Variants in UBE2E2 observed in about 807,000 individuals in gnomAD.
The protein encoded by UBE2E2 is ubiquitin conjugating enzyme E2 E2.
In UBE2E2, 6 loss-of-function variants were observed where a neutral mutation model predicts 24.7. The observed-to-expected ratio is 0.24, with a 90% CI of 0.13 to 0.48. The LOEUF (loss-of-function observed/expected upper bound fraction) is 0.48. Among genes scored for constraint, UBE2E2 ranks in the 20% least tolerant of loss-of-function variants. The probability of loss-of-function intolerance (pLI) is 0.99; values close to 1 mark genes in which losing one functional copy is unlikely to be tolerated. For missense variants in UBE2E2, 169 were observed against 245.0 expected (o/e 0.69, Z 2.07); for synonymous variants, 104 against 83.6 (o/e 1.24, Z -1.33).
Position 23,427,845 on chromosome 3 carries a change from C to T in UBE2E2, c.228-71763C>T, listed in dbSNP as rs891192585. 5.9e-5 allele frequency among the ~76,000 whole-genome samples: 9 copies of T among 152,094 alleles called. No homozygotes were observed. In the East Asian group the frequency reaches 7.7e-4, roughly 13 times the overall value. On this transcript the variant is annotated intron_variant, in intron 3 of 5. Transcript: ENST00000396703. ...AAGAGGGGCATTACATAATGGTAAA[C>T]GGGTCAATACTTCAAGAAGACGTAG...
intron 3 of UBE2E2, among the ~76,000 whole-genome samples, chr3:23,449,029 T>G (rs1486243812): frequency 1.3e-5 from 2 of 152,218 alleles, no homozygotes; most frequent in African/African-American, 4.8e-5. Context: ...TGAATTGCCC[T>G]CTTACCTAAC....
intron 5 of UBE2E2, among the ~76,000 whole-genome samples, chr3:23,588,369 T>C (rs981280184): frequency 7.2e-6 from 1 of 139,510 alleles, no homozygotes; most frequent in Non-Finnish European, 1.5e-5. Context: ...CCTAAGTTAC[T>C]TTTTTTTTAA....
intron 3 of UBE2E2, among the ~76,000 whole-genome samples, chr3:23,451,927 T>A (rs560421191): frequency 6.6e-6 from 1 of 152,348 alleles, no homozygotes; most frequent in East Asian, 1.9e-4. Context: ...TTATCATTTT[T>A]ATTGAATTAT....
intron 3 of UBE2E2, among the ~76,000 whole-genome samples, chr3:23,236,912 C>T (rs979228008): frequency 6.6e-6 from 1 of 152,192 alleles, no homozygotes; most frequent in Non-Finnish European, 1.5e-5. Flanking sequence ...CTTTGTCTCT[C>T]TCTTTCATTT....
At chr3:23,563,971 A>AAAAGACAG (rs146646062) in intron 5 of UBE2E2, among the ~76,000 whole-genome samples, 6 of 149,618 alleles carry the variant, frequency 4.0e-5, no homozygotes, top group Non-Finnish European at 8.9e-5. Context: ...TTCCAAAAAC[A>AAAAGACAG]AAAGAAAGAA....
At chr3:23,441,301 G>C (rs1244936749) in intron 3 of UBE2E2, among the ~76,000 whole-genome samples, 1 of 146,560 alleles carries the variant, frequency 6.8e-6, no homozygotes, top group Non-Finnish European at 1.5e-5. Flanking sequence ...AAGGCGGGCA[G>C]ATCACGACGT....
chr3:23,540,332 A>G (rs1364150264), intron 5 of UBE2E2, among the ~76,000 whole-genome samples: 3 of 152,186 alleles, frequency 2.0e-5, no homozygotes, highest in Non-Finnish European at 4.4e-5. Flanking sequence ...GTATGTTACT[A>G]AAAGATACAG....
At chr3:23,282,780 C>T (rs541877720) in intron 3 of UBE2E2, among the ~76,000 whole-genome samples, 67 of 151,858 alleles carry the variant, frequency 4.4e-4, no homozygotes, top group Non-Finnish European at 8.7e-4. Context: ...ACTAGATACA[C>T]GTTACACAGA....
At chr3:23,300,218 G>A (rs1481913965) in intron 3 of UBE2E2, among the ~76,000 whole-genome samples, 1 of 152,018 alleles carries the variant, frequency 6.6e-6, no homozygotes, top group African/African-American at 2.4e-5. Flanking sequence ...GCACACTGGT[G>A]GGTCTTGACT....
chr3:23,344,817 G>C (rs373664715), intron 3 of UBE2E2, among the ~76,000 whole-genome samples: 94 of 112,334 alleles, frequency 8.4e-4, no homozygotes, highest in African/African-American at 2.2e-3. Flanking sequence ...GACCCAGTCT[G>C]TATTAAAAAA....
intron 3 of UBE2E2, among the ~76,000 whole-genome samples, chr3:23,334,491 A>G (rs1006495299): frequency 6.6e-6 from 1 of 152,170 alleles, no homozygotes; most frequent in East Asian, 1.9e-4. Flanking sequence ...AGGCTAGTAT[A>G]TTTATATTTC....
chr3:23,446,163 C>T (rs994409306), intron 3 of UBE2E2, among the ~76,000 whole-genome samples: 7 of 152,228 alleles, frequency 4.6e-5, no homozygotes, highest in Admixed American at 2.0e-4. Flanking sequence ...TGGATCAAAA[C>T]GGTGTTAAAA....
At chr3:23,319,769 C>T (rs141768805) in intron 3 of UBE2E2, among the ~76,000 whole-genome samples, 2,113 of 148,092 alleles carry the variant, frequency 0.014, 132 homozygotes, top group African/African-American at 0.049. Flanking sequence ...GAGTGGAGAT[C>T]GCACCACTGC....
At chr3:23,573,226 C>T (rs980754996) in intron 5 of UBE2E2, among the ~76,000 whole-genome samples, 1 of 152,148 alleles carries the variant, frequency 6.6e-6, no homozygotes, top group Non-Finnish European at 1.5e-5. Flanking sequence ...ATAAAGTTAA[C>T]ATTTCACATA....
intron 3 of UBE2E2, among the ~76,000 whole-genome samples, chr3:23,485,332 G>C (rs1367105476): frequency 6.6e-6 from 1 of 152,084 alleles, no homozygotes. Flanking sequence ...CTAACGTCAA[G>C]TGATCCACCC....
At chr3:23,584,720 T>TTTTTTG (rs1696572490) in intron 5 of UBE2E2, among the ~76,000 whole-genome samples, 1 of 114,092 alleles carries the variant, frequency 8.8e-6, no homozygotes, top group Non-Finnish European at 1.8e-5. Context: ...CACCCAGCTG[T>TTTTTTG]TTTTTGTTTT....
chr3:23,504,912 C>CTTTTTTTT lies in UBE2E2; in HGVS notation c.360+5179_360+5186dup, dbSNP rs150970405. On this transcript the variant is annotated intron_variant, in intron 4 of 5. Transcript: ENST00000396703. Reference sequence around the variant, plus strand: ...AATGTTTCTGTTTCAGACATTCTTTCTTTTTTTTTTTTTTGAGACAGGGTC... The same window carrying CTTTTTTTT: ...AATGTTTCTGTTTCAGACATTCTTTCTTTTTTTTTTTTTTTTTTTTTTGAGACAGGGTC... Among the ~76,000 whole-genome samples the CTTTTTTTT allele has an allele frequency of 2.2e-4, 21 of 95,070 alleles. 2 individuals carry two copies. The highest frequency in any genetic ancestry group is 6.1e-4 in the Admixed American group (6 of 9,860). The allele number at this position is 95,070 out of a possible 152,430, so 62.4% of individuals were successfully genotyped here.
intron 3 of UBE2E2, among the ~76,000 whole-genome samples, chr3:23,484,432 T>C (rs545423721): frequency 1.4e-3 from 213 of 152,292 alleles, no homozygotes; most frequent in African/African-American, 4.9e-3. Context: ...GAAGCTCACC[T>C]ACCAGGAAAT....
chr3:23,343,894 C>T (rs1236985719), intron 3 of UBE2E2, among the ~76,000 whole-genome samples: 1 of 152,124 alleles, frequency 6.6e-6, no homozygotes, highest in Non-Finnish European at 1.5e-5. Flanking sequence ...GTAGTTTATT[C>T]TTATTGCTGT....
Sources: gnomAD v4.1 joint callset for allele counts (sites outside exome capture counted in the v4.1 genomes callset) on GRCh38, gnomAD v4.1.1 for gene constraint, MANE v1.5 for transcripts, NCBI Gene and HGNC (gene_info 2026-07-23, HGNC 2026-07-21) for gene names.